The following DIP2B variants were observed in gnomAD, a reference collection of about 807,000 sequenced individuals.
DIP2B encodes DIP2 acetate--CoA ligase B (putative), also known as disco-interacting protein 2 homolog B.
In DIP2B, 76 loss-of-function variants were observed where a neutral mutation model predicts 198.0. The observed-to-expected ratio is 0.38, with a 90% confidence interval of 0.32 to 0.46. The LOEUF (loss-of-function observed/expected upper bound fraction) is 0.46. Among genes scored for constraint, DIP2B ranks in the 20% least tolerant of loss-of-function variants. The pLI, the probability that DIP2B is intolerant of heterozygous loss-of-function variation, is 0.99. For missense variants in DIP2B, 1,559 were observed against 1,978.4 expected (o/e 0.79, Z 4.02); for synonymous variants, 701 against 739.1 (o/e 0.95, Z 0.84).
chr12:50,541,611 C>A (rs1246998955), intron 1 of DIP2B, among the ~76,000 whole-genome samples: 1 of 152,096 alleles, frequency 6.6e-6, no homozygotes, highest in Non-Finnish European at 1.5e-5. Flanking sequence ...ATGTCTGACA[C>A]CTTTCTAGAT....
chr12:50,671,829 A>G (rs1307005712), intron 5 of DIP2B, among the ~76,000 whole-genome samples: 3 of 152,212 alleles, frequency 2.0e-5, no homozygotes, highest in Non-Finnish European at 2.9e-5. Flanking sequence ...ATCAGTGAGG[A>G]CTTTTGTCTT....
rs1940199283 is a variant in DIP2B at position 50,739,433 on chromosome 12, G to A, written c.4201G>A (p.Ala1401Thr). The stretch of plus-strand genomic sequence containing the variant: ...GATTTGGGTGAACAGTCCCCATACA[G>A]CCAGCGGCTACTACACCATCTATGA... ...GEIWVNSPHT[A>T]SGYYTIYDSE... Residue 1401 changes from alanine (A) to threonine (T), a missense_variant, in exon 36 of 38, where the codon GCC becomes ACC. Coordinates refer to ENST00000301180, the MANE Select transcript of DIP2B (RefSeq NM_173602.3). 1.2e-6 allele frequency: 2 copies of A among 1,613,486 alleles called. No homozygotes were observed. The highest frequency in any genetic ancestry group is 1.7e-6 in the Non-Finnish European group (2 of 1,179,552).
chr12:50,731,710 A>G (rs925947753), intron 31 of DIP2B, among the ~76,000 whole-genome samples, 173 bp downstream of exon 31: 5 of 152,150 alleles, frequency 3.3e-5, no homozygotes, highest in African/African-American at 9.7e-5. Flanking sequence ...CCACCTTCCT[A>G]ATTTAGTGCA....
chr12:50,692,946 T>C lies in DIP2B; in HGVS notation c.1655-3T>C. ...CTTTGTCTTCCTATTTTTTCTATTT[T>C]AGGGGAAACAATAGTAAATGTCTTA... On this transcript the variant is annotated splice_region_variant and splice_polypyrimidine_tract_variant and intron_variant, in intron 13 of 37. Transcript: ENST00000301180. The C allele has an allele frequency of 6.2e-7, 1 of 1,606,818 alleles. No individual in the cohort carries two copies.
Position 50,744,606 on chromosome 12 carries a change from A to G in DIP2B, c.4498A>G (p.Asn1500Asp), listed in dbSNP as rs1940315256. The G allele has an allele frequency of 6.2e-7, 1 of 1,613,828 alleles. No individual in the cohort carries two copies. Among genetic ancestry groups the G allele is most frequent in the Non-Finnish European group, 8.5e-7 (1 of 1,179,948 alleles). ...TTTCAGTGCCGTGTTCACATGGACC[A>G]ACTTGCTTGTGGTGGTTGTGGAACT... ...IAECAVFTWTNLLVVVVELCG... is the reference protein window; with the variant it reads ...IAECAVFTWTDLLVVVVELCG... The change falls in exon 38 of 38, where the codon AAC becomes GAC. Residue 1500 changes from asparagine to aspartate, a missense_variant. Coordinates refer to ENST00000301180, the MANE Select transcript of DIP2B (RefSeq NM_173602.3).
intron 12 of DIP2B, among the ~76,000 whole-genome samples, chr12:50,688,947 T>G (rs1939177027): frequency 6.6e-6 from 1 of 152,218 alleles, no homozygotes; most frequent in Non-Finnish European, 1.5e-5. Context: ...TTGAATTAAC[T>G]TGCAGTTCTT....
At chr12:50,722,401 A>C (rs1315462096) in intron 26 of DIP2B, among the ~76,000 whole-genome samples, 1 of 151,794 alleles carries the variant, frequency 6.6e-6, no homozygotes, top group Non-Finnish European at 1.5e-5. Context: ...TCACAGGCAC[A>C]CGCCACCACG....
Position 50,692,987 on chromosome 12 carries a change from G to T in DIP2B, c.1693G>T (p.Ala565Ser). ...AAATGTCTTAGACTTTAAGAAGGAT[G>T]CTGGGCTGTGGCACGGCATGTTTGC... is the stretch of plus-strand genomic sequence containing the variant. ...IVNVLDFKKD[A>S]GLWHGMFANV... Residue 565 changes from alanine to serine, a missense_variant, in exon 14 of 38, where the codon GCT becomes TCT. Coordinates refer to ENST00000301180, the MANE Select transcript of DIP2B (RefSeq NM_173602.3). The T allele has an allele frequency of 6.2e-7, 1 of 1,610,852 alleles. No individual in the cohort carries two copies. The highest frequency in any genetic ancestry group is 2.2e-5 in the East Asian group (1 of 44,748).
intron 3 of DIP2B, among the ~76,000 whole-genome samples, chr12:50,642,343 T>A (rs902250776): frequency 6.6e-6 from 1 of 152,178 alleles, no homozygotes; most frequent in Non-Finnish European, 1.5e-5. Flanking sequence ...GGATCTTGAA[T>A]GTCACTGAAG....
chr12:50,571,567 T>TC (rs1958614778), intron 1 of DIP2B, among the ~76,000 whole-genome samples: 2 of 148,510 alleles, frequency 1.3e-5, no homozygotes, highest in Non-Finnish European at 3.0e-5. Context: ...TTTTTTTTTT[T>TC]TTTGAGACGG....
At chr12:50,545,552 A>G (rs1264359373) in intron 1 of DIP2B, among the ~76,000 whole-genome samples, 1 of 151,348 alleles carries the variant, frequency 6.6e-6, no homozygotes, top group Non-Finnish European at 1.5e-5. Flanking sequence ...ATTAAAAAAA[A>G]TTTTTTTACA....
At chr12:50,608,625 CAAA>C (rs546937627) in intron 1 of DIP2B, among the ~76,000 whole-genome samples, 4 of 71,848 alleles carry the variant, frequency 5.6e-5, no homozygotes, top group Admixed American at 3.3e-4. Flanking sequence ...GACTCAGTCT[CAAA>C]AAAAAAAAAA....
At chr12:50,518,261 A>G (rs927419299) in intron 1 of DIP2B, among the ~76,000 whole-genome samples, 3 of 139,602 alleles carry the variant, frequency 2.1e-5, no homozygotes, top group Non-Finnish European at 1.5e-5. Context: ...TCTCTCTCTT[A>G]TTGCCCAGGC....
At chr12:50,645,031 A>G (rs1255930426) in intron 3 of DIP2B, among the ~76,000 whole-genome samples, 1 of 152,214 alleles carries the variant, frequency 6.6e-6, no homozygotes, top group East Asian at 1.9e-4. Context: ...TTTTTAACAT[A>G]CCTAAAATCA....
intron 4 of DIP2B, among the ~76,000 whole-genome samples, chr12:50,670,742 T>G (rs927769572): frequency 1.3e-5 from 2 of 152,096 alleles, no homozygotes; most frequent in African/African-American, 2.4e-5. Context: ...TAGCAAGAAT[T>G]AAGTTTTTAT....
intron 1 of DIP2B, among the ~76,000 whole-genome samples, chr12:50,508,228 A>G (rs1957984963): frequency 6.6e-6 from 1 of 152,220 alleles, no homozygotes; most frequent in Admixed American, 6.5e-5. Context: ...GAATTTCCAC[A>G]TAAGGATGAG....
chr12:50,683,976 G>A (rs1258527735), intron 10 of DIP2B, among the ~76,000 whole-genome samples: 1 of 152,034 alleles, frequency 6.6e-6, no homozygotes, highest in Non-Finnish European at 1.5e-5. Flanking sequence ...AGCCATGCGT[G>A]GTGGTGTGCA....
chr12:50,698,998 A>G (rs1056762436), intron 18 of DIP2B, 68 bp from the exon 19 acceptor site: 51 of 1,574,242 alleles, frequency 3.2e-5, no homozygotes, highest in Non-Finnish European at 4.3e-5. Context: ...GGTTCACAGG[A>G]TGAAGCTGTT....
intron 1 of DIP2B, among the ~76,000 whole-genome samples, chr12:50,511,104 C>A (rs1958011550): frequency 6.6e-6 from 1 of 151,188 alleles, no homozygotes; most frequent in South Asian, 2.1e-4. Context: ...CTCCACCATG[C>A]CCAGCTAATT....
Sources: allele counts gnomAD v4.1 joint callset (sites outside exome capture counted in the v4.1 genomes callset), GRCh38; gene constraint gnomAD v4.1.1; transcripts MANE v1.5; gene names NCBI Gene and HGNC (gene_info 2026-07-23, HGNC 2026-07-21).